The following MYO7A variants were observed in gnomAD, a reference collection of about 807,000 sequenced individuals.
MYO7A encodes the protein unconventional myosin-VIIa.
A neutral mutation model predicts 263.8 loss-of-function variants in MYO7A; 210 were observed. That is an observed-to-expected ratio of 0.80 (90% CI 0.71 to 0.89). MYO7A has a LOEUF of 0.89. Ranked by LOEUF, MYO7A falls within the 40% of genes least tolerant of loss-of-function variation. MYO7A has a pLI of 0.00. For missense variants in MYO7A, 2,820 were observed against 2,968.3 expected (o/e 0.95, Z 1.16); for synonymous variants, 1,239 against 1,197.3 (o/e 1.03, Z -0.72).
At position 77,201,546 on chromosome 11, in the gene MYO7A, G is replaced by A. The variant is rs1201586094; in HGVS notation, c.4951G>A (p.Gly1651Ser). The A allele has an allele frequency of 1.7e-5, 28 of 1,613,778 alleles. No individual in the cohort carries two copies. The highest frequency in any genetic ancestry group is 2.2e-5 in the East Asian group (1 of 44,864). The change falls in exon 36 of 49, where the codon GGC becomes AGC. Residue 1651 changes from glycine (G) to serine (S), a missense_variant. By Grantham distance (56) the Gly-to-Ser change is moderately conservative. Coordinates refer to ENST00000409709, the MANE Select transcript of MYO7A (RefSeq NM_000260.4). ...EQVMNSGWAN[G>S]INERTKQRGD... The stretch of plus-strand genomic sequence containing the variant: ...GGTCATGAACTCGGGCTGGGCCAAC[G>A]GCATCAATGAGAGGACCAAGCAGCG...
chr11:77,176,668 C>G (rs1228532984), intron 18 of MYO7A, among the ~76,000 whole-genome samples: 1 of 152,164 alleles, frequency 6.6e-6, no homozygotes, highest in Non-Finnish European at 1.5e-5. Context: ...TTTTGAGAGG[C>G]CAAACATGCT....
At position 77,162,814 on chromosome 11, in the gene MYO7A, A is replaced by G. The variant is rs1555070003; in HGVS notation, c.1555-39A>G. The stretch of plus-strand genomic sequence containing the variant: ...GCAGGGAGGGGAGTGGGGCCCATGG[A>G]GGAGAGGGTGGGCTCACAGCTGCCC... On this transcript the variant is annotated intron_variant, in intron 13 of 48. Coordinates refer to ENST00000409709, the MANE Select transcript of MYO7A (RefSeq NM_000260.4). 3 of 1,597,564 alleles carry G rather than the reference A, an allele frequency of 1.9e-6. No individual in the cohort carries two copies. In the Admixed American group the frequency reaches 5.1e-5, roughly 27 times the overall value.
Position 77,213,875 on chromosome 11 carries a change from C to A in MYO7A, c.6454C>A (p.His2152Asn). Reference sequence around the variant, plus strand: ...GCTCCCCCAGGATATCCTCACCACTCATCCCTTCACCAAGATCTCCAACTG... The same window carrying A: ...GCTCCCCCAGGATATCCTCACCACTAATCCCTTCACCAAGATCTCCAACTG... ...DPKTKDILTT[H>N]PFTKISNWSS... The change falls in exon 48 of 49, where the codon CAT becomes AAT. Residue 2152 changes from histidine to asparagine, a missense_variant. Transcript: ENST00000409709. The A allele has an allele frequency of 6.2e-7, 1 of 1,614,060 alleles. No homozygotes were observed.
chr11:77,195,985 G>A (rs527977356), intron 32 of MYO7A, among the ~76,000 whole-genome samples: 4 of 152,210 alleles, frequency 2.6e-5, no homozygotes, highest in Non-Finnish European at 5.9e-5. Flanking sequence ...GCACATGCAC[G>A]TCTGAGTCCA....
Position 77,182,094 on chromosome 11 carries a change from C to T in MYO7A, c.3048C>T (p.Ser1016=). Residue 1016 remains serine (S), a synonymous_variant, in exon 24 of 49, where the codon TCC becomes TCT. Transcript: ENST00000409709. The stretch of plus-strand genomic sequence containing the variant: ...ACTTCCAGGGGACAACCACGCACTC[C>T]TACACCCGGCGGCCACTCAAACAGC... The part of the protein sequence containing the change: ...ATYFQGTTTH[S]YTRRPLKQPL... The T allele has an allele frequency of 1.9e-6, 3 of 1,613,440 alleles. No homozygotes were observed. The highest frequency in any genetic ancestry group is 2.5e-6 in the Non-Finnish European group (3 of 1,179,852).
chr11:77,175,003 G>A (rs1461720004), intron 17 of MYO7A, 89 bp downstream of exon 17: 23 of 1,520,664 alleles, frequency 1.5e-5, no homozygotes, highest in African/African-American at 8.2e-5. Flanking sequence ...GACCATGGGC[G>A]GGGCTTGACA....
At chr11:77,187,667 C>G (rs1489664062) in intron 27 of MYO7A, among the ~76,000 whole-genome samples, 1 of 152,074 alleles carries the variant, frequency 6.6e-6, no homozygotes, top group Non-Finnish European at 1.5e-5. Context: ...CCAGGAGTCA[C>G]CAGGAGCCAC....
At chr11:77,155,833 A>C in intron 4 of MYO7A, 74 bp from the exon 5 acceptor site, 8 of 1,449,586 alleles carry the variant, frequency 5.5e-6, no homozygotes, top group Non-Finnish European at 5.5e-6. Flanking sequence ...GGAGCAGGGC[A>C]GAGCCCAAGA....
chr11:77,174,268 C>T (rs536213276), intron 16 of MYO7A, among the ~76,000 whole-genome samples: 19 of 151,888 alleles, frequency 1.3e-4, no homozygotes, highest in Non-Finnish European at 2.1e-4. Flanking sequence ...TGAATAACCG[C>T]AGATCTACAA....
At position 77,147,519 on chromosome 11, in the gene MYO7A, C is replaced by T. The variant is rs1003882457; in HGVS notation, c.133-279C>T. On this transcript the variant is annotated intron_variant, in intron 3 of 48. Transcript: ENST00000409709. The stretch of plus-strand genomic sequence containing the variant: ...AAGGGCCTGAGGGAACTCTGATCCC[C>T]TTACTGACAACAGTCAGATGGGGCC... Among the ~76,000 whole-genome samples, 3 of 152,190 alleles carry T rather than the reference C, an allele frequency of 2.0e-5. No individual in the cohort carries two copies. In the East Asian group the frequency reaches 5.8e-4, roughly 29 times the overall value.
At position 77,174,646 on chromosome 11, in the gene MYO7A, C is replaced by T. The variant is rs562012793; in HGVS notation, c.1936-110C>T. On this transcript the variant is annotated intron_variant, in intron 16 of 48. Coordinates refer to ENST00000409709, the MANE Select transcript of MYO7A (RefSeq NM_000260.4). ...CTGTCCCAGCTTTGCTCCTCCCATG[C>T]CGTGTGGACTTGGCCTTTCTGAGCC... 48 of 1,143,500 alleles carry T rather than the reference C, an allele frequency of 4.2e-5. 2 individuals carry two copies. The East Asian group carries it at 5.2e-4, about 12-fold the overall frequency. The allele number at this position is 1,143,500 out of a possible 1,614,324, so 70.8% of individuals were successfully genotyped here. A position where few individuals can be genotyped will look rare whatever the true frequency, so the allele number is the denominator to read the frequency against.
chr11:77,190,609 AC>A, intron 29 of MYO7A, 87 bp from the exon 30 acceptor site: 1 of 1,065,214 alleles, frequency 9.4e-7, no homozygotes, highest in Non-Finnish European at 1.3e-6. Flanking sequence ...GGCACCTCCA[AC>A]CCCACAGAAA....
At chr11:77,157,088 C>A in intron 7 of MYO7A, 84 bp downstream of exon 7, 2 of 1,546,162 alleles carry the variant, frequency 1.3e-6, no homozygotes, top group Admixed American at 1.7e-5. Context: ...CGTATTGCTG[C>A]CCGTATTGCT....
chr11:77,202,150 G>A (rs1957106826), intron 36 of MYO7A, 150 bp from the exon 37 acceptor site: 1 of 1,010,332 alleles, frequency 9.9e-7, no homozygotes, highest in African/African-American at 1.6e-5. Context: ...AGACCCCAAG[G>A]AGGAACGGGG....
chr11:77,204,765 C>G (rs969210931), intron 39 of MYO7A, among the ~76,000 whole-genome samples: 1 of 152,200 alleles, frequency 6.6e-6, no homozygotes, highest in Non-Finnish European at 1.5e-5. Context: ...CCCAGCCCCC[C>G]GCCTTCCTCC....
chr11:77,154,988 C>T (rs1450627567), intron 4 of MYO7A, among the ~76,000 whole-genome samples: 1 of 152,178 alleles, frequency 6.6e-6, no homozygotes, highest in Non-Finnish European at 1.5e-5. Flanking sequence ...AGGGGGAGGG[C>T]AGGTTGTCAC....
intron 3 of MYO7A, among the ~76,000 whole-genome samples, chr11:77,147,008 C>G (rs1555054021): frequency 6.6e-6 from 1 of 152,116 alleles, no homozygotes; most frequent in African/African-American, 2.4e-5. Context: ...GGGCAGGCAG[C>G]CTGTGTCCTC....
intron 12 of MYO7A, among the ~76,000 whole-genome samples, 177 bp downstream of exon 12, chr11:77,161,292 T>C (rs926584359): frequency 6.6e-6 from 1 of 152,060 alleles, no homozygotes; most frequent in Non-Finnish European, 1.5e-5. Context: ...CCTCACCTCC[T>C]CAAGGTCAGC....
At chr11:77,193,563 T>G (rs1177993779) in intron 31 of MYO7A, among the ~76,000 whole-genome samples, 1 of 150,240 alleles carries the variant, frequency 6.7e-6, no homozygotes, top group Non-Finnish European at 1.5e-5. Flanking sequence ...TGGTGGTAGT[T>G]TTGTTGGTGA....
Sources: allele counts gnomAD v4.1 joint callset (sites outside exome capture counted in the v4.1 genomes callset), GRCh38; gene constraint gnomAD v4.1.1; transcripts MANE v1.5; gene names NCBI Gene and HGNC (gene_info 2026-07-23, HGNC 2026-07-21).